FAM110B: variants seen among roughly 807,000 people sequenced by gnomAD.
The protein encoded by FAM110B is protein FAM110B.
FAM110B carries 6 observed loss-of-function variants against 20.4 expected under a neutral mutation model. The observed-to-expected ratio is 0.29, with a 90% CI of 0.16 to 0.58. FAM110B has a LOEUF of 0.58. FAM110B is among the 20% of genes least tolerant of loss of function. FAM110B has a pLI of 0.90. For synonymous variants in FAM110B, 226 were observed against 214.1 expected (o/e 1.06, Z -0.49); for missense variants, 434 against 498.2 (o/e 0.87, Z 1.23).
At chr8:58,075,273 T>TGTGTGTGTGTGTGTGTGTGTGTGTGTG (rs58047108) in intron 2 of FAM110B, among the ~76,000 whole-genome samples, 13 of 145,078 alleles carry the variant, frequency 9.0e-5, no homozygotes, top group African/African-American at 3.3e-4. Context: ...TTTTTTTTTT[T>TGTGTGTGTGTGTGTGTGTGTGTGTGTG]TTTGTGTGTG....
At chr8:58,130,323 G>A (rs182537962) in intron 3 of FAM110B, among the ~76,000 whole-genome samples, 13 of 152,170 alleles carry the variant, frequency 8.5e-5, no homozygotes, top group African/African-American at 2.9e-4. Context: ...ATATATTGCC[G>A]CCTCTACGAT....
intron 3 of FAM110B, among the ~76,000 whole-genome samples, chr8:58,111,126 T>C (rs142609093): frequency 6.6e-6 from 1 of 152,376 alleles, no homozygotes; most frequent in African/African-American, 2.4e-5. Context: ...AATAATTGTA[T>C]GTTTTGTATT....
In FAM110B at chr8:58,146,135, G is replaced by GCCGC. The variant is rs1351670368; in HGVS notation, c.-93_-90dup. On this transcript the variant is annotated 5_prime_UTR_variant, in exon 4 of 4. Transcript: ENST00000519262. Reference sequence around the variant, plus strand: ...TGACACTCGCTCCCAGGCTGCACCCGCCGCCCTTGGCGCTTCATGTACATG... The same window carrying GCCGC: ...TGACACTCGCTCCCAGGCTGCACCCGCCGCCCGCCCTTGGCGCTTCATGTACATG... The GCCGC allele has an allele frequency of 7.0e-7, 1 of 1,430,426 alleles. No individual in the cohort carries two copies. Among genetic ancestry groups the GCCGC allele is most frequent in the Non-Finnish European group, 9.3e-7 (1 of 1,072,220 alleles). The allele number at this position is 1,430,426 out of a possible 1,614,324, so 88.6% of individuals were successfully genotyped here.
At chr8:58,096,165 G>A (rs1452532946) in intron 3 of FAM110B, among the ~76,000 whole-genome samples, 1 of 152,070 alleles carries the variant, frequency 6.6e-6, no homozygotes, top group East Asian at 1.9e-4. Context: ...CCTGAGTACA[G>A]CATACCAATG....
rs1486187921 is a variant in FAM110B, at chr8:58,021,776, C to G, written c.-511-9830C>G. Among the ~76,000 whole-genome samples, 4 of 152,204 alleles carry G rather than the reference C, an allele frequency of 2.6e-5. No homozygotes were observed. The East Asian group carries it at 5.8e-4, about 22-fold the overall frequency. ...AAGGTGTATATTTTGCAGCCAACCC[C>G]AACTTGGAATCTCAGTTTTACTCTG... On this transcript the variant is annotated intron_variant, in intron 1 of 3. Coordinates refer to ENST00000519262, the MANE Select transcript of FAM110B (RefSeq NM_001377989.1).
At chr8:58,015,903 A>G in intron 1 of FAM110B, among the ~76,000 whole-genome samples, 1 of 152,172 alleles carries the variant, frequency 6.6e-6, no homozygotes, top group East Asian at 1.9e-4. Flanking sequence ...AAATCCAGTT[A>G]AATGAGTATT....
chr8:58,038,686 AG>A (rs1398990408), intron 2 of FAM110B, among the ~76,000 whole-genome samples: 2 of 152,080 alleles, frequency 1.3e-5, no homozygotes, highest in Admixed American at 1.3e-4. Context: ...TGGGAGGCAA[AG>A]GTTGCTGTGA....
chr8:58,090,583 A>G (rs762980761), intron 3 of FAM110B, among the ~76,000 whole-genome samples: 2 of 152,216 alleles, frequency 1.3e-5, no homozygotes, highest in Non-Finnish European at 2.9e-5. Context: ...ACAGGAGGCT[A>G]TTTGTTAAAG....
intron 3 of FAM110B, among the ~76,000 whole-genome samples, chr8:58,090,259 A>G (rs1264892239): frequency 6.6e-6 from 1 of 152,186 alleles, no homozygotes; most frequent in Admixed American, 6.5e-5. Flanking sequence ...TCCCAGATTC[A>G]AGCAGTTCTC....
chr8:58,030,261 G>A (rs11783171), intron 1 of FAM110B, among the ~76,000 whole-genome samples: 28,240 of 151,990 alleles, frequency 0.19, 3,631 homozygotes, highest in African/African-American at 0.36. Flanking sequence ...AGAACCATGG[G>A]ACTTGGAGTT....
At chr8:58,089,677 A>C (rs1034934256) in intron 3 of FAM110B, among the ~76,000 whole-genome samples, 2 of 152,208 alleles carry the variant, frequency 1.3e-5, no homozygotes, top group African/African-American at 4.8e-5. Flanking sequence ...CATTTTGAGA[A>C]AAAGCTATTG....
chr8:58,114,658 CG>C (rs1807153426), intron 3 of FAM110B, among the ~76,000 whole-genome samples: 1 of 152,198 alleles, frequency 6.6e-6, no homozygotes, highest in African/African-American at 2.4e-5. Context: ...GACCAAACCA[CG>C]AGCTGAAGGT....
At chr8:58,087,984 A>C (rs1421619799) in intron 3 of FAM110B, among the ~76,000 whole-genome samples, 1 of 152,194 alleles carries the variant, frequency 6.6e-6, no homozygotes, top group African/African-American at 2.4e-5. Context: ...TGTTGGGTGA[A>C]TCCAAGAGGC....
chr8:58,088,208 T>A (rs574714680), intron 3 of FAM110B, among the ~76,000 whole-genome samples: 80 of 152,358 alleles, frequency 5.3e-4, no homozygotes, highest in African/African-American at 1.6e-3. Context: ...TATTCTACAA[T>A]TAATTTTAAA....
chr8:58,102,105 G>A (rs535568036), intron 3 of FAM110B, among the ~76,000 whole-genome samples: 3 of 152,090 alleles, frequency 2.0e-5, no homozygotes, highest in African/African-American at 7.2e-5. Context: ...TAACTTATTC[G>A]CCAACACTTT....
At position 58,031,693 on chromosome 8, in the gene FAM110B, G is replaced by A. The variant is rs1458232353; in HGVS notation, c.-424G>A. 6.6e-6 allele frequency: 1 copy of A among 152,026 alleles called. No homozygotes were observed. The highest frequency in any genetic ancestry group is 6.6e-5 in the Admixed American group (1 of 15,266). The allele number at this position is 152,026 out of a possible 1,614,324, so 9.4% of individuals were successfully genotyped here. A position where few individuals can be genotyped will look rare whatever the true frequency, so the allele number is the denominator to read the frequency against. On this transcript the variant is annotated 5_prime_UTR_variant, in exon 2 of 4. Coordinates refer to ENST00000519262, the MANE Select transcript of FAM110B (RefSeq NM_001377989.1). Reference sequence around the variant, plus strand: ...TATCAAGCTCTGTAAGTCCTGAAAAGGAAATAAAAGGTAATTACATTAAAA... The same window carrying A: ...TATCAAGCTCTGTAAGTCCTGAAAAAGAAATAAAAGGTAATTACATTAAAA...
intron 3 of FAM110B, among the ~76,000 whole-genome samples, chr8:58,102,737 A>G (rs1806809244): frequency 6.6e-6 from 1 of 151,924 alleles, no homozygotes; most frequent in Non-Finnish European, 1.5e-5. Context: ...CTCCTTTTTC[A>G]TAGTTTCCAG....
At chr8:58,046,599 A>G (rs1378615233) in intron 2 of FAM110B, among the ~76,000 whole-genome samples, 5 of 152,250 alleles carry the variant, frequency 3.3e-5, no homozygotes, top group Non-Finnish European at 7.3e-5. Flanking sequence ...GTACATAGGT[A>G]TGTAATTTCT....
intron 3 of FAM110B, among the ~76,000 whole-genome samples, chr8:58,100,697 T>C (rs1341035246): frequency 1.3e-5 from 2 of 152,230 alleles, no homozygotes; most frequent in Non-Finnish European, 2.9e-5. Flanking sequence ...ACACCAGTCT[T>C]ATTGGATGAG....
Sources: allele counts gnomAD v4.1 joint callset (sites outside exome capture counted in the v4.1 genomes callset), GRCh38; gene constraint gnomAD v4.1.1; transcripts MANE v1.5; gene names NCBI Gene and HGNC (gene_info 2026-07-23, HGNC 2026-07-21).